Variants in IQCM observed in about 807,000 individuals in gnomAD.
The protein encoded by IQCM is IQ domain-containing protein M.
A neutral mutation model predicts 57.6 loss-of-function variants in IQCM; 45 were observed. That is an observed-to-expected ratio of 0.78 (90% CI 0.62 to 1.00). The LOEUF is 1.00. Among genes scored for constraint, IQCM ranks in the 50% least tolerant of loss-of-function variants. The probability of loss-of-function intolerance (pLI) is 0.00; values close to 1 mark genes in which losing one functional copy is unlikely to be tolerated. For missense variants in IQCM, 468 were observed against 511.6 expected (o/e 0.91, Z 0.82); for synonymous variants, 148 against 158.9 (o/e 0.93, Z 0.51).
chr4:149,509,329 G>T (rs370822419), intron 12 of IQCM, among the ~76,000 whole-genome samples: 1 of 151,906 alleles, frequency 6.6e-6, no homozygotes, highest in Non-Finnish European at 1.5e-5. Flanking sequence ...CCAGGCTGGG[G>T]TGCAGTGACA....
chr4:149,519,600 TGC>T (rs980661526), intron 12 of IQCM, among the ~76,000 whole-genome samples: 9 of 151,694 alleles, frequency 5.9e-5, no homozygotes, highest in Non-Finnish European at 1.3e-4. Context: ...GAGCCCAGAT[TGC>T]GCCACTGCGC....
chr4:149,602,703 A>T (rs1283530879), intron 8 of IQCM, among the ~76,000 whole-genome samples: 1 of 152,106 alleles, frequency 6.6e-6, no homozygotes, highest in Non-Finnish European at 1.5e-5. Flanking sequence ...ATAAATTTTT[A>T]AATAACTTAA....
intron 12 of IQCM, among the ~76,000 whole-genome samples, chr4:149,509,272 C>CTTTTTT (rs1449355762): frequency 6.6e-6 from 1 of 151,746 alleles, no homozygotes; most frequent in Admixed American, 6.6e-5. Context: ...TTGACTTTTT[C>CTTTTTT]TTTTTTCTTT....
intron 7 of IQCM, among the ~76,000 whole-genome samples, chr4:149,644,642 C>G (rs1181714219): frequency 1.3e-5 from 2 of 152,100 alleles, no homozygotes; most frequent in East Asian, 3.9e-4. Context: ...TGTGAACATT[C>G]CTGTATGTTC....
chr4:149,694,132 A>T (rs952071579), intron 5 of IQCM, among the ~76,000 whole-genome samples: 1 of 152,170 alleles, frequency 6.6e-6, no homozygotes, highest in African/African-American at 2.4e-5. Flanking sequence ...TATAAGAATC[A>T]ATAAATAAGA....
At chr4:149,490,750 C>A (rs1214667427) in intron 12 of IQCM, among the ~76,000 whole-genome samples, 6 of 152,088 alleles carry the variant, frequency 3.9e-5, no homozygotes, top group Admixed American at 6.6e-5. Context: ...CCACCAGCAA[C>A]CATCCCATGA....
chr4:149,631,360 G>C (rs1047074582), intron 7 of IQCM, among the ~76,000 whole-genome samples: 2 of 152,086 alleles, frequency 1.3e-5, no homozygotes, highest in African/African-American at 4.8e-5. Flanking sequence ...AGTACTGTGA[G>C]ACCCTCTAAT....
chr4:149,635,527 T>C (rs1316461392), intron 7 of IQCM, among the ~76,000 whole-genome samples: 1 of 152,238 alleles, frequency 6.6e-6, no homozygotes, highest in East Asian at 1.9e-4. Flanking sequence ...TCATAAAGTA[T>C]TATGAATGTT....
At chr4:149,356,815 A>T (rs1729027668) in intron 13 of IQCM, among the ~76,000 whole-genome samples, 1 of 152,172 alleles carries the variant, frequency 6.6e-6, no homozygotes, top group South Asian at 2.1e-4. Context: ...GATGGCATTG[A>T]ATCTATAAAT....
At chr4:149,401,519 C>A (rs555513302) in intron 13 of IQCM, among the ~76,000 whole-genome samples, 25 of 151,704 alleles carry the variant, frequency 1.6e-4, no homozygotes, top group African/African-American at 5.8e-4. Context: ...TATTTGTAGT[C>A]CAGTTTTTTA....
intron 8 of IQCM, among the ~76,000 whole-genome samples, chr4:149,597,955 A>T (rs1753932135): frequency 6.6e-6 from 1 of 152,184 alleles, no homozygotes; most frequent in East Asian, 1.9e-4. Context: ...GTACATAGAC[A>T]TATTACCTAC....
chr4:149,580,326 G>T (rs894590267), intron 9 of IQCM, among the ~76,000 whole-genome samples: 1 of 151,706 alleles, frequency 6.6e-6, no homozygotes, highest in African/African-American at 2.4e-5. Flanking sequence ...AAAAAGAAAA[G>T]AATAAAAAAT....
chr4:149,382,960 C>T (rs1731176642), intron 13 of IQCM, among the ~76,000 whole-genome samples: 1 of 142,970 alleles, frequency 7.0e-6, no homozygotes, highest in Non-Finnish European at 1.5e-5. Flanking sequence ...TATTTTTAAT[C>T]TTATTTTGAC....
chr4:149,367,845 G>C (rs1382838404), intron 13 of IQCM, among the ~76,000 whole-genome samples: 1 of 151,858 alleles, frequency 6.6e-6, no homozygotes, highest in African/African-American at 2.4e-5. Flanking sequence ...TTTTAATTTT[G>C]GCCAGTCTAA....
chr4:149,686,751 G>T (rs1762569593), intron 5 of IQCM, among the ~76,000 whole-genome samples: 2 of 151,502 alleles, frequency 1.3e-5, no homozygotes, highest in African/African-American at 4.8e-5. Context: ...CAACAGCATA[G>T]CATATACCGA....
intron 8 of IQCM, among the ~76,000 whole-genome samples, chr4:149,593,607 T>G (rs1307123440): frequency 6.6e-6 from 1 of 152,110 alleles, no homozygotes; most frequent in East Asian, 1.9e-4. Context: ...CATACATAGC[T>G]CTTATTATTT....
chr4:149,709,541 G>A (rs17625366), intron 5 of IQCM, among the ~76,000 whole-genome samples: 31,726 of 151,916 alleles, frequency 0.21, 4,127 homozygotes, highest in Non-Finnish European at 0.28. Context: ...CAGCAATATA[G>A]TCAGCAGTTA....
chr4:149,726,130 A>AGAAG (rs1463383208), intron 5 of IQCM, among the ~76,000 whole-genome samples: 65 of 148,362 alleles, frequency 4.4e-4, no homozygotes, highest in Admixed American at 6.0e-4. Context: ...AAAGAAAGAA[A>AGAAG]GAAAGAAAGA....
intron 12 of IQCM, among the ~76,000 whole-genome samples, chr4:149,494,838 A>C (rs1359584547): frequency 6.6e-6 from 1 of 152,086 alleles, no homozygotes; most frequent in Non-Finnish European, 1.5e-5. Context: ...TCATGGGAGG[A>C]CTTTAAGCAA....
Sources: gnomAD v4.1 joint callset for allele counts (sites outside exome capture counted in the v4.1 genomes callset) on GRCh38, gnomAD v4.1.1 for gene constraint, MANE v1.5 for transcripts, NCBI Gene and HGNC (gene_info 2026-07-23, HGNC 2026-07-21) for gene names.